Variants in CYP19A1 observed in about 807,000 individuals in gnomAD.
The protein encoded by CYP19A1 is cytochrome P450 family 19 subfamily A member 1, also known as aromatase.
A neutral mutation model predicts 44.4 loss-of-function variants in CYP19A1; 32 were observed. The ratio of observed to expected loss-of-function variants is 0.72; its 90% CI spans 0.54 to 0.97. CYP19A1 has a LOEUF of 0.97. CYP19A1 is among the 50% of genes least tolerant of loss of function. CYP19A1 has a pLI of 0.00. For missense variants in CYP19A1, 598 were observed against 637.8 expected, an observed-to-expected ratio of 0.94 and a Z score of 0.67; for synonymous variants, 212 against 215.6, an observed-to-expected ratio of 0.98 and a Z score of 0.14.
At position 51,215,820 on chromosome 15, in the gene CYP19A1, G is replaced by A. The variant is rs1275461877; in HGVS notation, c.744-3C>T. The A allele has an allele frequency of 6.2e-7, 1 of 1,613,358 alleles. No individual in the cohort carries two copies. Among genetic ancestry groups the A allele is most frequent in the East Asian group, 2.2e-5 (1 of 44,822 alleles). On this transcript the variant is annotated splice_polypyrimidine_tract_variant and splice_region_variant and intron_variant, in intron 6 of 9. Coordinates refer to ENST00000396402, the MANE Select transcript of CYP19A1 (RefSeq NM_000103.4). ...CTATGGCATCTTTCAAATCCTTGCTGGAAAAAAAGTCAAAATATTGTCTAT... is the reference window on the plus strand; with the variant it reads ...CTATGGCATCTTTCAAATCCTTGCTAGAAAAAAAGTCAAAATATTGTCTAT...
chr15:51,255,165 G>C (rs554327886), intron 1 of CYP19A1, among the ~76,000 whole-genome samples: 18 of 152,272 alleles, frequency 1.2e-4, no homozygotes, highest in Admixed American at 1.0e-3. Flanking sequence ...GATGGTGAGG[G>C]AGGCAATGTT....
chr15:51,255,833 G>A (rs1442675660), intron 1 of CYP19A1: 1 of 152,180 alleles, frequency 6.6e-6, no homozygotes, highest in Non-Finnish European at 1.5e-5. Flanking sequence ...TTTAAGGATG[G>A]ATAAATAATG....
chr15:51,324,465 T>C (rs1245900303), intron 1 of CYP19A1, among the ~76,000 whole-genome samples: 1 of 152,232 alleles, frequency 6.6e-6, no homozygotes, highest in Non-Finnish European at 1.5e-5. Flanking sequence ...ATCACACTGA[T>C]TGAGCCCCAC....
chr15:51,234,131 C>T (rs1182551176), intron 3 of CYP19A1, among the ~76,000 whole-genome samples: 1 of 152,028 alleles, frequency 6.6e-6, no homozygotes, highest in East Asian at 1.9e-4. Context: ...TTTCTGAGGT[C>T]CAATGGGGTC....
intron 1 of CYP19A1, among the ~76,000 whole-genome samples, chr15:51,323,371 CTAAGCTTCCGAAGAAAGTAAAGTAAAT>C (rs1202805993): frequency 6.6e-6 from 1 of 152,180 alleles, no homozygotes; most frequent in Non-Finnish European, 1.5e-5. Context: ...AAAAAATCAA[CTAAGCTTCCGAAGAAAGTAAAGTAAAT>C]AGTAGAACTT....
chr15:51,218,784 A>C (rs1030228033), intron 5 of CYP19A1, 129 bp from the exon 6 acceptor site: 4 of 1,497,408 alleles, frequency 2.7e-6, no homozygotes, highest in Non-Finnish European at 2.7e-6. Context: ...TAAGCTCAGC[A>C]AGATTCCATC....
intron 1 of CYP19A1, among the ~76,000 whole-genome samples, chr15:51,250,518 C>T (rs1003587417): frequency 3.9e-5 from 6 of 152,214 alleles, no homozygotes; most frequent in Non-Finnish European, 8.8e-5. Context: ...CTATTGTCTT[C>T]CCAGTGGGCT....
chr15:51,317,104 C>CTT (rs201343947), intron 1 of CYP19A1, among the ~76,000 whole-genome samples: 6 of 138,504 alleles, frequency 4.3e-5, no homozygotes, highest in Admixed American at 7.2e-5. Context: ...AAAATCACTT[C>CTT]TTTTTTTTTT....
intron 1 of CYP19A1, among the ~76,000 whole-genome samples, chr15:51,254,382 T>G (rs934676112): frequency 5.9e-5 from 9 of 152,244 alleles, no homozygotes; most frequent in African/African-American, 1.7e-4. Flanking sequence ...TAAGTCTATC[T>G]TCAGTGATTG....
At chr15:51,320,053 C>T (rs2036500150) in intron 1 of CYP19A1, among the ~76,000 whole-genome samples, 1 of 152,234 alleles carries the variant, frequency 6.6e-6, no homozygotes, top group Admixed American at 6.5e-5. Flanking sequence ...ATATCATCCC[C>T]TCCTTTCACA....
chr15:51,325,478 C>A (rs1383946117), intron 1 of CYP19A1, among the ~76,000 whole-genome samples: 1 of 152,198 alleles, frequency 6.6e-6, no homozygotes, highest in Non-Finnish European at 1.5e-5. Flanking sequence ...CCAACAAGTA[C>A]AGATGCTCCT....
chr15:51,273,929 C>A (rs1017112111), intron 1 of CYP19A1, among the ~76,000 whole-genome samples: 3 of 152,104 alleles, frequency 2.0e-5, no homozygotes, highest in African/African-American at 4.8e-5. Flanking sequence ...ATTGCTTGAA[C>A]CCGAGAGACG....
intron 1 of CYP19A1, among the ~76,000 whole-genome samples, chr15:51,290,513 C>T (rs1438083091): frequency 1.3e-5 from 2 of 152,216 alleles, no homozygotes; most frequent in African/African-American, 4.8e-5. Context: ...CAAACCTCAC[C>T]TGTTTTCTGC....
At position 51,242,814 on chromosome 15, in the gene CYP19A1, G is replaced by T. The variant is rs779177368; in HGVS notation, c.99C>A (p.Gly33=). 9.5e-6 allele frequency: 15 copies of T among 1,586,510 alleles called. No homozygotes were observed. In the Admixed American group the frequency reaches 2.2e-4, roughly 23 times the overall value. ...CATAATTCCACACCAAGAGAAAAAG[G>T]CCAGTGAGGAGCAGGACTGGCATGG... ...AATMPVLLLT[G]LFLLVWNYEG... is the part of the protein sequence containing the mutation. The change falls in exon 2 of 10, where the codon GGC becomes GGA. Residue 33 remains glycine, a synonymous_variant. Transcript: ENST00000396402.
intron 8 of CYP19A1, among the ~76,000 whole-genome samples, chr15:51,214,531 G>A (rs1014487798): frequency 6.6e-6 from 1 of 152,180 alleles, no homozygotes; most frequent in Non-Finnish European, 1.5e-5. Flanking sequence ...TTTGTGAAGG[G>A]GCTGCTTGAA....
intron 1 of CYP19A1, among the ~76,000 whole-genome samples, chr15:51,252,610 C>T (rs1272750729): frequency 6.6e-6 from 1 of 152,152 alleles, no homozygotes; most frequent in Non-Finnish European, 1.5e-5. Context: ...ATCTGTGGGC[C>T]CTCAGACTGA....
At chr15:51,318,459 G>A (rs904932125) in intron 1 of CYP19A1, 14 of 152,274 alleles carry the variant, frequency 9.2e-5, no homozygotes, top group African/African-American at 3.1e-4. Flanking sequence ...ACCAGTGCCA[G>A]GGACCTCCTG....
chr15:51,296,021 A>G (rs2035988812), intron 1 of CYP19A1, among the ~76,000 whole-genome samples: 3 of 152,150 alleles, frequency 2.0e-5, no homozygotes, highest in African/African-American at 7.2e-5. Context: ...CTGCTTGATG[A>G]TTCTTCCATA....
Position 51,212,538 on chromosome 15 carries a change from C to T in CYP19A1, c.1045G>A (p.Asp349Asn). ...TCCATCACTTTTAATTTTTGTATAT[C>T]ATCAATCTTTATGTCTCTCTCACCT... ...VIGERDIKIDDIQKLKVMENF... is the reference protein window; with the variant it reads ...VIGERDIKIDNIQKLKVMENF... Residue 349 changes from aspartate to asparagine, a missense_variant, in exon 9 of 10, where the codon GAT becomes AAT. By Grantham distance (23) the Asp-to-Asn change is conservative (BLOSUM62 1). Coordinates refer to ENST00000396402, the MANE Select transcript of CYP19A1 (RefSeq NM_000103.4). 1 of 1,499,358 alleles carries T rather than the reference C, an allele frequency of 6.7e-7. No homozygotes were observed. The highest frequency in any genetic ancestry group is 9.3e-7 in the Non-Finnish European group (1 of 1,075,342). 92.9% of individuals were successfully genotyped at this position (1,499,358 alleles called of 1,614,324 possible).
Sources: allele counts gnomAD v4.1 joint callset (sites outside exome capture counted in the v4.1 genomes callset), GRCh38; gene constraint gnomAD v4.1.1; transcripts MANE v1.5; gene names NCBI Gene and HGNC (gene_info 2026-07-23, HGNC 2026-07-21).